Variants in CDH22 observed in about 807,000 individuals in gnomAD.
CDH22 encodes the protein cadherin 22.
A neutral mutation model predicts 58.4 loss-of-function variants in CDH22; 30 were observed. The ratio of observed to expected loss-of-function variants is 0.51; its 90% CI spans 0.38 to 0.70. The LOEUF is 0.70. CDH22 is among the 30% of genes least tolerant of loss of function. CDH22 has a pLI of 0.00. For synonymous variants in CDH22, 513 were observed against 558.2 expected (o/e 0.92, Z 1.14); for missense variants, 1,014 against 1,233.9 (o/e 0.82, Z 2.67).
chr20:46,180,007 C>T (rs534860928), intron 10 of CDH22, among the ~76,000 whole-genome samples: 12 of 149,128 alleles, frequency 8.0e-5, no homozygotes, highest in South Asian at 6.2e-4. Flanking sequence ...CTCCTTTCTC[C>T]GCTTCCCTGG....
chr20:46,291,754 A>T (rs2086604554), intron 1 of CDH22, among the ~76,000 whole-genome samples: 1 of 152,276 alleles, frequency 6.6e-6, no homozygotes, highest in South Asian at 2.1e-4. Flanking sequence ...ACCTCTGCAC[A>T]GCCCCATGTG....
At position 46,263,411 on chromosome 20, in the gene CDH22, T is replaced by TGTGTGC. The variant is rs1217490084; in HGVS notation, c.-399-11719_-399-11718insGCACAC. ...TGTCCCCATGGCCTTCCATTCTGTGTGTGTGTGTGTGTGTGTGCGTGTGTG... is the reference window on the plus strand; with the variant it reads ...TGTCCCCATGGCCTTCCATTCTGTGTGTGTGCGTGTGTGTGTGTGTGTGCGTGTGTG... On this transcript the variant is annotated intron_variant, in intron 1 of 11. Transcript: ENST00000537909. Among the ~76,000 whole-genome samples, 4 of 151,354 alleles carry TGTGTGC rather than the reference T, an allele frequency of 2.6e-5. No individual in the cohort carries two copies. In the East Asian group the frequency reaches 7.8e-4, roughly 29 times the overall value.
At chr20:46,252,704 G>T (rs2086385974) in intron 1 of CDH22, among the ~76,000 whole-genome samples, 1 of 152,230 alleles carries the variant, frequency 6.6e-6, no homozygotes, top group African/African-American at 2.4e-5. Flanking sequence ...TCAACTTTGT[G>T]CCAGGTTTGG....
chr20:46,268,518 A>T (rs2086472790), intron 1 of CDH22, among the ~76,000 whole-genome samples: 1 of 151,238 alleles, frequency 6.6e-6, no homozygotes, highest in South Asian at 2.1e-4. Context: ...CCCCATTCCC[A>T]CCCCACACAC....
Position 46,210,160 on chromosome 20 carries a change from G to C in CDH22, c.1286+147C>G. The C allele has an allele frequency of 3.9e-6, 3 of 762,040 alleles. No homozygotes were observed. The East Asian group carries it at 1.0e-4, about 26-fold the overall frequency. 47.2% of individuals were successfully genotyped at this position (762,040 alleles called of 1,614,324 possible). A position where few individuals can be genotyped will look rare whatever the true frequency, so the allele number is the denominator to read the frequency against. ...TCCGTGCCTGTTTCTCTCCACCCGT[G>C]CGCCTCTCTCCGCGCCTCCCTCCCC... On this transcript the variant is annotated intron_variant, in intron 7 of 11. Coordinates refer to ENST00000537909, the MANE Select transcript of CDH22 (RefSeq NM_021248.3). The surrounding 1 kb of genome is among the most constrained non-coding windows in gnomAD (Gnocchi z 4.5).
At chr20:46,230,032 A>G (rs73622660) in intron 3 of CDH22, among the ~76,000 whole-genome samples, 1 of 152,238 alleles carries the variant, frequency 6.6e-6, no homozygotes, top group East Asian at 1.9e-4. Flanking sequence ...GGAATGGTAA[A>G]GGGTCAGTGA....
intron 2 of CDH22, among the ~76,000 whole-genome samples, chr20:46,243,701 G>C (rs1387963151): frequency 1.3e-5 from 2 of 152,168 alleles, no homozygotes; most frequent in East Asian, 3.8e-4. Flanking sequence ...GGGTGATTCT[G>C]TTCCCTTTTG....
intron 8 of CDH22, among the ~76,000 whole-genome samples, chr20:46,195,705 A>G (rs2085895146): frequency 6.6e-6 from 1 of 151,468 alleles, no homozygotes. Flanking sequence ...TTTAAATTCA[A>G]TATCAGTCAT....
At chr20:46,212,255 G>A (rs1411188506) in intron 6 of CDH22, among the ~76,000 whole-genome samples, 1 of 152,204 alleles carries the variant, frequency 6.6e-6, no homozygotes, top group Non-Finnish European at 1.5e-5. Flanking sequence ...CAGAAAGTGA[G>A]CATTCTGTCG....
intron 1 of CDH22, among the ~76,000 whole-genome samples, chr20:46,278,346 T>A (rs1235919125): frequency 4.6e-5 from 7 of 152,080 alleles, no homozygotes; most frequent in Non-Finnish European, 1.0e-4. Context: ...CAGTGAGTCC[T>A]CCCCACCTCT....
In CDH22 at chr20:46,283,766, C is replaced by T. The variant is rs532408259; in HGVS notation, c.-400+24489G>A. The stretch of plus-strand genomic sequence containing the variant: ...CAGAGAGCAGCTTCACATGGAGTCC[C>T]GGGCCTTTCTGCACTTTTCTGCTCC... On this transcript the variant is annotated intron_variant, in intron 1 of 11. Coordinates refer to ENST00000537909, the MANE Select transcript of CDH22 (RefSeq NM_021248.3). Among the ~76,000 whole-genome samples the T allele has an allele frequency of 5.3e-5, 8 of 151,856 alleles. No individual in the cohort carries two copies. The East Asian group carries it at 7.8e-4, about 15-fold the overall frequency.
chr20:46,223,715 T>C (rs61605383), intron 4 of CDH22, among the ~76,000 whole-genome samples: 97 of 24,080 alleles, frequency 4.0e-3, no homozygotes, highest in African/African-American at 0.017. Flanking sequence ...CTTTCTTTCT[T>C]TTTCTTTCTT....
At chr20:46,285,812 T>C (rs1204724190) in intron 1 of CDH22, among the ~76,000 whole-genome samples, 1 of 152,176 alleles carries the variant, frequency 6.6e-6, no homozygotes, top group Non-Finnish European at 1.5e-5. Context: ...TTGGACAAGG[T>C]GCTGGGTACT....
chr20:46,246,647 G>T (rs1046165498), intron 2 of CDH22, among the ~76,000 whole-genome samples: 10 of 152,162 alleles, frequency 6.6e-5, no homozygotes, highest in African/African-American at 2.4e-4. Flanking sequence ...GGGCCTTGGC[G>T]ACAACCGCGG....
chr20:46,191,633 G>A (rs2085862614), intron 8 of CDH22, among the ~76,000 whole-genome samples: 1 of 152,180 alleles, frequency 6.6e-6, no homozygotes, highest in African/African-American at 2.4e-5. Context: ...TTTTACTGAT[G>A]AGGAAACGGG....
chr20:46,201,050 C>T (rs1231885766), intron 7 of CDH22, among the ~76,000 whole-genome samples: 1 of 152,252 alleles, frequency 6.6e-6, no homozygotes, highest in Non-Finnish European at 1.5e-5. Flanking sequence ...CGGCTCCAGG[C>T]CTTAAAGGCC....
rs1276283719 is a variant in CDH22 at position 46,300,906 on chromosome 20, G to C, written c.-400+7349C>G. On this transcript the variant is annotated intron_variant, in intron 1 of 11. Coordinates refer to ENST00000537909, the MANE Select transcript of CDH22 (RefSeq NM_021248.3). The surrounding 1 kb of genome is among the most constrained non-coding windows in gnomAD (Gnocchi z 4.4). ...GAAACAACCCAAATGTCCAACAGTG[G>C]GGGCTGGTTAAATGAATTATGGGCA... Among the ~76,000 whole-genome samples, 1 of 152,144 alleles carries C rather than the reference G, an allele frequency of 6.6e-6. No individual in the cohort carries two copies. The highest frequency in any genetic ancestry group is 1.5e-5 in the Non-Finnish European group (1 of 68,030).
At chr20:46,180,212 G>A (rs979790552) in intron 10 of CDH22, among the ~76,000 whole-genome samples, 3 of 152,236 alleles carry the variant, frequency 2.0e-5, no homozygotes, top group Admixed American at 1.3e-4. Flanking sequence ...AGAACTGGTG[G>A]TCTTGGGTCA....
rs900709790 is a variant in CDH22 at position 46,300,505 on chromosome 20, T to A, written c.-400+7750A>T. 2.0e-5 allele frequency among the ~76,000 whole-genome samples: 3 copies of A among 152,160 alleles called. No homozygotes were observed. The highest frequency in any genetic ancestry group is 7.2e-5 in the African/African-American group (3 of 41,444). ...ACACAAGCGCGCGTGTGCGTGCGCG[T>A]GCACACACACATACACACACACTCC... On this transcript the variant is annotated intron_variant, in intron 1 of 11. Transcript: ENST00000537909. This position sits in a 1 kb window ranked among gnomAD's most constrained non-coding sequence, Gnocchi z 4.4.
Sources: allele counts gnomAD v4.1 joint callset (sites outside exome capture counted in the v4.1 genomes callset), GRCh38; gene constraint gnomAD v4.1.1; non-coding constraint Gnocchi (gnomAD v3.1); transcripts MANE v1.5; gene names NCBI Gene and HGNC (gene_info 2026-07-23, HGNC 2026-07-21).